ZNF608: variants seen among roughly 807,000 people sequenced by gnomAD.
ZNF608 encodes zinc finger protein 608.
In ZNF608, 12 loss-of-function variants were observed where a neutral mutation model predicts 109.0. The ratio of observed to expected loss-of-function variants is 0.11; its 90% CI spans 0.07 to 0.18. ZNF608 has a LOEUF of 0.18. Ranked by LOEUF, ZNF608 falls within the 10% of genes least tolerant of loss-of-function variation. The pLI, the probability that ZNF608 is intolerant of heterozygous loss-of-function variation, is 1.00. For synonymous variants in ZNF608, 732 were observed against 717.4 expected (o/e 1.02, Z -0.33); for missense variants, 1,707 against 1,879.3 (o/e 0.91, Z 1.70).
intron 3 of ZNF608, among the ~76,000 whole-genome samples, chr5:124,672,882 G>A (rs1428081371): frequency 1.3e-5 from 2 of 152,076 alleles, no homozygotes; most frequent in Non-Finnish European, 2.9e-5. Flanking sequence ...TTATTTCATC[G>A]GAAAAAAGTA....
Position 124,647,150 on chromosome 5 carries a change from A to G in ZNF608, c.3234T>C (p.Leu1078=), listed in dbSNP as rs536290505. ...GCCCATATGCATACTGGCCATAATA[A>G]AGTGACTGAGCCAGGGCAGGATGTC... ...TQRHPALAQS[L]YYGQYAYGLY... Residue 1078 remains leucine (L), a synonymous_variant, in exon 5 of 10, where the codon CTT becomes CTC. Transcript: ENST00000513986. 2 of 1,614,190 alleles carry G rather than the reference A, an allele frequency of 1.2e-6. No homozygotes were observed. The highest frequency in any genetic ancestry group is 1.7e-5 in the Admixed American group (1 of 60,026).
chr5:124,715,950 T>C (rs898138661), intron 2 of ZNF608, among the ~76,000 whole-genome samples: 16 of 152,028 alleles, frequency 1.1e-4, no homozygotes, highest in Non-Finnish European at 2.1e-4. Context: ...GAGACCATCC[T>C]GGCTAACACG....
intron 3 of ZNF608, among the ~76,000 whole-genome samples, chr5:124,697,399 C>T (rs115937550): frequency 5.3e-4 from 81 of 151,824 alleles, no homozygotes; most frequent in African/African-American, 1.1e-3. Flanking sequence ...AATTTTCAAA[C>T]AAATGACTAT....
At chr5:124,683,270 G>T (rs1338995660) in intron 3 of ZNF608, among the ~76,000 whole-genome samples, 1 of 152,170 alleles carries the variant, frequency 6.6e-6, no homozygotes, top group Non-Finnish European at 1.5e-5. Context: ...CTGAGCCAGA[G>T]GCACCAGCTA....
intron 3 of ZNF608, among the ~76,000 whole-genome samples, chr5:124,668,244 C>G (rs1057311411): frequency 7.1e-6 from 1 of 141,704 alleles, no homozygotes; most frequent in Admixed American, 7.1e-5. Context: ...TTATATATAT[C>G]TATATATACC....
At chr5:124,720,005 AAAC>A (rs907992062) in intron 2 of ZNF608, among the ~76,000 whole-genome samples, 3 of 152,314 alleles carry the variant, frequency 2.0e-5, no homozygotes, top group East Asian at 1.9e-4. Flanking sequence ...AAGTCTGTCA[AAAC>A]AACAACAACA....
chr5:124,662,572 G>A (rs752711780), intron 3 of ZNF608, among the ~76,000 whole-genome samples: 3 of 152,232 alleles, frequency 2.0e-5, no homozygotes, highest in Non-Finnish European at 2.9e-5. Flanking sequence ...GTCTCATGAA[G>A]TTAGGGTTAA....
rs113446719 is a variant in ZNF608 at position 124,724,609 on chromosome 5, C to CGTGT, written c.906+19471_906+19474dup. 5.3e-3 allele frequency among the ~76,000 whole-genome samples: 778 copies of CGTGT among 147,050 alleles called. 5 individuals carry two copies. Among genetic ancestry groups the CGTGT allele is most frequent in the African/African-American group, 0.017 (681 of 40,204 alleles). On this transcript the variant is annotated intron_variant, in intron 2 of 9. Transcript: ENST00000513986. ...CATCAGCTATATTAATTCAACAGCA[C>CGTGT]GTGTGTGTGTGTGTGTGTGTGTGTG...
chr5:124,648,824 T>C lies in ZNF608; in HGVS notation c.1560A>G (p.Gly520=), dbSNP rs1382214742. The change falls in exon 5 of 10, where the codon GGA becomes GGG. Residue 520 remains glycine (G), a synonymous_variant. Coordinates refer to ENST00000513986, the MANE Select transcript of ZNF608 (RefSeq NM_020747.3). ...TTCTGGAATTTGTGCGGACACGCTT[T>C]CCAGGCTTATTGTCCTCAGAGCTGG... The part of the protein sequence containing the change: ...LNSSSEDNKP[G]KRVRTNSRST... The C allele has an allele frequency of 4.3e-6, 7 of 1,614,208 alleles. No individual in the cohort carries two copies. The highest frequency in any genetic ancestry group is 5.9e-6 in the Non-Finnish European group (7 of 1,180,024).
intron 3 of ZNF608, among the ~76,000 whole-genome samples, chr5:124,664,089 T>G (rs12513788): frequency 0.3 from 45,458 of 152,076 alleles, 7,437 homozygotes; most frequent in African/African-American, 0.43. Flanking sequence ...CAAAACATAT[T>G]TTGTAAAGCA....
At chr5:124,732,426 C>T (rs1335827220) in intron 2 of ZNF608, among the ~76,000 whole-genome samples, 1 of 151,722 alleles carries the variant, frequency 6.6e-6, no homozygotes, top group African/African-American at 2.4e-5. Context: ...AATGCTAGGT[C>T]TTTCCAGAAA....
Position 124,643,576 on chromosome 5 carries a change from T to C in ZNF608, c.4231A>G (p.Thr1411Ala). 1.9e-6 allele frequency: 3 copies of C among 1,614,228 alleles called. No homozygotes were observed. Among genetic ancestry groups the C allele is most frequent in the Non-Finnish European group, 2.5e-6 (3 of 1,180,034 alleles). Residue 1411 changes from threonine to alanine, a missense_variant, in exon 7 of 10, where the codon ACT becomes GCT. Around this residue, in one of 7 missense-constraint regions of ZNF608, gnomAD observed 1,073 missense variants for 1,133.5 expected, o/e 0.95. Transcript: ENST00000513986. Reference protein sequence around the residue: ...TSPSVNTKTTTESKALDLLQQ... With the variant: ...TSPSVNTKTTAESKALDLLQQ... ...AGCAAATCCAGTGCTTTAGATTCAG[T>C]GGTTGTTTTCGTGTTGACGCTAGGG...
chr5:124,669,123 C>T (rs751677883), intron 3 of ZNF608, among the ~76,000 whole-genome samples: 1 of 152,188 alleles, frequency 6.6e-6, no homozygotes, highest in African/African-American at 2.4e-5. Flanking sequence ...AGTGACTTTA[C>T]TGCCTCTGGT....
chr5:124,660,249 G>T (rs1402989692), intron 3 of ZNF608, among the ~76,000 whole-genome samples: 1 of 152,178 alleles, frequency 6.6e-6, no homozygotes. Context: ...GGTACATTTT[G>T]TGTGTCACCA....
At chr5:124,720,179 C>A (rs1359333739) in intron 2 of ZNF608, among the ~76,000 whole-genome samples, 1 of 152,100 alleles carries the variant, frequency 6.6e-6, no homozygotes. Context: ...AAAGAAATAG[C>A]CTTCTCAGTA....
At chr5:124,677,363 T>C (rs1484765609) in intron 3 of ZNF608, among the ~76,000 whole-genome samples, 1 of 152,214 alleles carries the variant, frequency 6.6e-6, no homozygotes, top group Admixed American at 6.5e-5. Context: ...CATGGGAAAC[T>C]GGAGCGAGAA....
At chr5:124,649,189 A>G in intron 4 of ZNF608, 56 bp from the exon 5 acceptor site, 1 of 1,430,840 alleles carries the variant, frequency 7.0e-7, no homozygotes, top group African/African-American at 1.4e-5. Context: ...GCCAGGTGAA[A>G]TCACAAAGTA....
At chr5:124,642,265 T>G (rs1429247453) in intron 7 of ZNF608, among the ~76,000 whole-genome samples, 2 of 152,210 alleles carry the variant, frequency 1.3e-5, no homozygotes, top group African/African-American at 2.4e-5. Context: ...TCACCTTTTT[T>G]GGGGAAGAGC....
At chr5:124,670,045 G>T (rs994426875) in intron 3 of ZNF608, among the ~76,000 whole-genome samples, 12 of 152,190 alleles carry the variant, frequency 7.9e-5, no homozygotes, top group African/African-American at 2.9e-4. Context: ...GAACAAGGCT[G>T]AGAGCTTTTT....
Sources: gnomAD v4.1 joint callset for allele counts (sites outside exome capture counted in the v4.1 genomes callset) on GRCh38, gnomAD v4.1.1 for gene constraint, gnomAD v4.1.1 regional missense constraint, MANE v1.5 for transcripts, NCBI Gene and HGNC (gene_info 2026-07-23, HGNC 2026-07-21) for gene names.